GLRA1: variants seen among roughly 807,000 people sequenced by gnomAD.
The protein encoded by GLRA1 is glycine receptor subunit alpha-1.
Under a neutral mutation model 48.3 loss-of-function variants are expected in GLRA1, and 37 were observed. The observed-to-expected ratio is 0.77, with a 90% confidence interval of 0.59 to 1.01. The LOEUF (loss-of-function observed/expected upper bound fraction) is 1.01, where lower values mean the gene tolerates loss of function less well. Ranked by LOEUF, GLRA1 falls within the 50% of genes least tolerant of loss-of-function variation. The pLI is 0.00. For synonymous variants in GLRA1, 196 were observed against 210.7 expected (o/e 0.93, Z 0.60); for missense variants, 427 against 571.0 (o/e 0.75, Z 2.57).
intron 2 of GLRA1, among the ~76,000 whole-genome samples, chr5:151,887,920 T>C (rs1198452863): frequency 2.0e-5 from 3 of 152,152 alleles, no homozygotes; most frequent in Admixed American, 6.6e-5. Flanking sequence ...GGAGATGACT[T>C]TGAAGGTGAA....
intron 1 of GLRA1, among the ~76,000 whole-genome samples, chr5:151,914,929 G>A (rs923656526): frequency 4.6e-5 from 7 of 152,174 alleles, no homozygotes; most frequent in African/African-American, 1.7e-4. Context: ...ATCCAGTCTA[G>A]TCTCCTCCTT....
chr5:151,907,217 G>A (rs1026620271), intron 1 of GLRA1, among the ~76,000 whole-genome samples: 46 of 152,072 alleles, frequency 3.0e-4, no homozygotes, highest in African/African-American at 1.1e-3. Context: ...AAATTGTTTA[G>A]CCAAGAAGCT....
chr5:151,886,740 GA>G lies in GLRA1; in HGVS notation c.232del (p.Ser78ProfsTer69). The G allele has an allele frequency of 6.2e-7, 1 of 1,612,538 alleles. No individual in the cohort carries two copies. The highest frequency in any genetic ancestry group is 8.5e-7 in the Non-Finnish European group (1 of 1,178,524). On this transcript the variant is annotated frameshift_variant, in exon 3 of 9. Coordinates refer to ENST00000274576, the MANE Select transcript of GLRA1 (RefSeq NM_000171.4). LOFTEE classifies it high-confidence loss of function. ...SCNIFINSFG[S>X]IAETTMDYRV... The stretch of plus-strand genomic sequence containing the variant: ...ACTCACCATGGTTGTCTCAGCAATG[GA>G]ACCAAAGCTGTTGATGAAAATGTTG...
chr5:151,888,824 T>C (rs1422571618), intron 2 of GLRA1, among the ~76,000 whole-genome samples: 1 of 152,230 alleles, frequency 6.6e-6, no homozygotes, highest in Non-Finnish European at 1.5e-5. Flanking sequence ...ACTCATTTTG[T>C]CTTAAGCAGC....
intron 5 of GLRA1, 133 bp from the exon 6 acceptor site, chr5:151,855,310 T>C: frequency 1.2e-6 from 1 of 828,966 alleles, no homozygotes; most frequent in Non-Finnish European, 2.0e-6. Flanking sequence ...GGTTCCTTTT[T>C]TTTCCTCTCA....
At chr5:151,849,493 T>TTCCTTCC (rs1438481838) in intron 7 of GLRA1, among the ~76,000 whole-genome samples, 1 of 88,160 alleles carries the variant, frequency 1.1e-5, no homozygotes, top group Non-Finnish European at 2.2e-5. Context: ...CCTTCCTTCC[T>TTCCTTCC]TTCTTTTCTT....
At chr5:151,884,207 T>TC (rs1753837866) in intron 3 of GLRA1, among the ~76,000 whole-genome samples, 1 of 152,062 alleles carries the variant, frequency 6.6e-6, no homozygotes, top group Admixed American at 6.6e-5. Flanking sequence ...GGTGGGTGGA[T>TC]CACATGAGGC....
At chr5:151,867,340 T>C (rs913536662) in intron 3 of GLRA1, among the ~76,000 whole-genome samples, 1 of 152,128 alleles carries the variant, frequency 6.6e-6, no homozygotes, top group Non-Finnish European at 1.5e-5. Context: ...GCCAGCGATA[T>C]GCTCTAAGCC....
At chr5:151,877,749 C>T (rs916299167) in intron 3 of GLRA1, among the ~76,000 whole-genome samples, 3 of 152,200 alleles carry the variant, frequency 2.0e-5, no homozygotes, top group African/African-American at 4.8e-5. Flanking sequence ...AAGTTCTTCT[C>T]TTGTCTGCTG....
intron 7 of GLRA1, among the ~76,000 whole-genome samples, chr5:151,830,885 C>A (rs61542361): frequency 1.0e-3 from 157 of 152,346 alleles, no homozygotes; most frequent in African/African-American, 3.8e-3. Flanking sequence ...CAGCTCCGGT[C>A]TGCAGCTCCC....
intron 1 of GLRA1, among the ~76,000 whole-genome samples, chr5:151,901,610 G>T (rs1374650560): frequency 6.6e-6 from 1 of 152,220 alleles, no homozygotes; most frequent in Non-Finnish European, 1.5e-5. Context: ...AGAGAATGGA[G>T]CCCAGGCTTT....
intron 1 of GLRA1, among the ~76,000 whole-genome samples, chr5:151,904,821 A>G (rs1341592056): frequency 6.6e-6 from 1 of 152,178 alleles, no homozygotes; most frequent in East Asian, 1.9e-4. Context: ...ATTTTTATTG[A>G]TTCAAAGAGA....
intron 7 of GLRA1, among the ~76,000 whole-genome samples, chr5:151,840,731 A>G (rs1422434016): frequency 7.0e-6 from 1 of 142,106 alleles, no homozygotes; most frequent in East Asian, 2.0e-4. Context: ...CCAACATCAG[A>G]AAAAAAAAAA....
chr5:151,864,138 CAT>C (rs1491213353), intron 3 of GLRA1, among the ~76,000 whole-genome samples: 5 of 115,372 alleles, frequency 4.3e-5, no homozygotes, highest in Non-Finnish European at 9.8e-5. Flanking sequence ...GTGAAGTGTG[CAT>C]GTGTGTGTGT....
chr5:151,881,894 T>C (rs1369320218), intron 3 of GLRA1, among the ~76,000 whole-genome samples: 2 of 152,184 alleles, frequency 1.3e-5, no homozygotes, highest in African/African-American at 4.8e-5. Context: ...CTCCTGCTTT[T>C]TCTGGAGAAC....
intron 7 of GLRA1, among the ~76,000 whole-genome samples, chr5:151,839,328 G>C (rs956800811): frequency 6.6e-6 from 1 of 151,454 alleles, no homozygotes; most frequent in Non-Finnish European, 1.5e-5. Flanking sequence ...AAAGGTAACT[G>C]CATAGGTAAA....
chr5:151,831,500 G>A (rs1331799900), intron 7 of GLRA1, among the ~76,000 whole-genome samples: 1 of 152,158 alleles, frequency 6.6e-6, no homozygotes, highest in Non-Finnish European at 1.5e-5. Context: ...TTGAGTAGGC[G>A]GTTTCCCCCT....
chr5:151,829,868 A>C (rs1763381045), intron 7 of GLRA1, among the ~76,000 whole-genome samples: 1 of 152,194 alleles, frequency 6.6e-6, no homozygotes, highest in Non-Finnish European at 1.5e-5. Flanking sequence ...GCATATTTTC[A>C]AGGTTCATTC....
intron 1 of GLRA1, among the ~76,000 whole-genome samples, chr5:151,898,555 C>T (rs890530738): frequency 9.2e-5 from 14 of 152,070 alleles, no homozygotes; most frequent in African/African-American, 3.4e-4. Context: ...GGGGATCCCT[C>T]CAGTCAATTC....
Sources: allele counts gnomAD v4.1 joint callset (sites outside exome capture counted in the v4.1 genomes callset), GRCh38; gene constraint gnomAD v4.1.1; transcripts MANE v1.5; gene names NCBI Gene and HGNC (gene_info 2026-07-23, HGNC 2026-07-21).